SP6: variants seen among roughly 807,000 people sequenced by gnomAD.
SP6 encodes the protein transcription factor Sp6.
A neutral mutation model predicts 23.4 loss-of-function variants in SP6; 10 were observed. The ratio of observed to expected loss-of-function variants is 0.43; its 90% CI spans 0.26 to 0.72. The LOEUF (loss-of-function observed/expected upper bound fraction) is 0.72, where lower values mean the gene tolerates loss of function less well. SP6 is among the 30% of genes least tolerant of loss of function. The pLI is 0.23. For synonymous variants in SP6, 238 were observed against 238.7 expected, an observed-to-expected ratio of 1.00 and a Z score of 0.03; for missense variants, 482 against 523.8, an observed-to-expected ratio of 0.92 and a Z score of 0.78.
Position 47,848,470 on chromosome 17 carries a change from G to A in SP6, c.-41C>T, listed in dbSNP as rs753426165. ...TGGGGTGAGGGCAGGGACGGTCAGG[G>A]GCACCTCAGACGGGACCTAAAGGAG... On this transcript the variant is annotated 5_prime_UTR_variant, in exon 2 of 2. Transcript: ENST00000536300. The surrounding 1 kb of genome is among the most constrained non-coding windows in gnomAD (Gnocchi z 5.3). 9.5e-5 allele frequency: 139 copies of A among 1,459,930 alleles called. No individual in the cohort carries two copies. Among genetic ancestry groups the A allele is most frequent in the Non-Finnish European group, 1.2e-4 (132 of 1,102,042 alleles). The allele number at this position is 1,459,930 out of a possible 1,614,324, so 90.4% of individuals were successfully genotyped here.
chr17:47,865,981 T>C, the SP6 span, among the ~76,000 whole-genome samples: 1 of 152,236 alleles, frequency 6.6e-6, no homozygotes, highest in African/African-American at 2.4e-5. Flanking sequence ...TTCTCTACAC[T>C]GATCACCAGG....
At chr17:47,866,989 G>A in the SP6 span, among the ~76,000 whole-genome samples, 1 of 152,086 alleles carries the variant, frequency 6.6e-6, no homozygotes, top group African/African-American at 2.4e-5. Context: ...CGCCACGCTG[G>A]GAATCTGAGA....
At chr17:47,868,425 C>T in the SP6 span, among the ~76,000 whole-genome samples, 1 of 152,172 alleles carries the variant, frequency 6.6e-6, no homozygotes, top group Non-Finnish European at 1.5e-5. Context: ...ACCATGGGGA[C>T]GACCCAAGTC....
intron 1 of SP6, among the ~76,000 whole-genome samples, chr17:47,849,827 G>A (rs1055113829): frequency 7.2e-5 from 11 of 152,182 alleles, no homozygotes; most frequent in Non-Finnish European, 2.9e-5. Context: ...TGGAAGCCCT[G>A]GTGCCTCAGC....
chr17:47,854,212 G>C (rs2033982229), upstream of SP6, among the ~76,000 whole-genome samples: 1 of 152,184 alleles, frequency 6.6e-6, no homozygotes, highest in Non-Finnish European at 1.5e-5. Flanking sequence ...GATCCACTTT[G>C]TACCTGGAGA....
At chr17:47,872,868 G>C in the SP6 span, among the ~76,000 whole-genome samples, 1 of 152,226 alleles carries the variant, frequency 6.6e-6, no homozygotes, top group South Asian at 2.1e-4. Context: ...CTCCCACAAG[G>C]CATCCAGGAG....
At chr17:47,871,357 C>G in the SP6 span, among the ~76,000 whole-genome samples, 1 of 152,226 alleles carries the variant, frequency 6.6e-6, no homozygotes, top group African/African-American at 2.4e-5. Flanking sequence ...ACCAATACCT[C>G]TTACTATCTG....
chr17:47,873,766 C>T, the SP6 span, among the ~76,000 whole-genome samples: 6 of 152,086 alleles, frequency 3.9e-5, no homozygotes, highest in Non-Finnish European at 7.4e-5. Context: ...GGATGAACCC[C>T]AGCCATTGGC....
upstream of SP6, among the ~76,000 whole-genome samples, chr17:47,851,443 C>A (rs528779478): frequency 6.6e-6 from 1 of 152,226 alleles, no homozygotes; most frequent in Admixed American, 6.5e-5. Context: ...TGCCCTGGAG[C>A]TAGCTCGGTC....
Position 47,847,251 on chromosome 17 carries a change from G to C in SP6, c.*48C>G, listed in dbSNP as rs779728478. On this transcript the variant is annotated 3_prime_UTR_variant, in exon 2 of 2. Transcript: ENST00000536300. Reference sequence around the variant, plus strand: ...CCAAGGACGTCAGACCTGGGGGCTCGCATCCAGTGCCCCCCGGGATACCCG... The same window carrying C: ...CCAAGGACGTCAGACCTGGGGGCTCCCATCCAGTGCCCCCCGGGATACCCG... 4 of 1,449,062 alleles carry C rather than the reference G, an allele frequency of 2.8e-6. No homozygotes were observed. The South Asian group carries it at 5.7e-5, about 21-fold the overall frequency. 89.8% of individuals were successfully genotyped at this position (1,449,062 alleles called of 1,614,324 possible). A position where few individuals can be genotyped will look rare whatever the true frequency, so the allele number is the denominator to read the frequency against.
chr17:47,862,577 G>T, the SP6 span, among the ~76,000 whole-genome samples: 1 of 152,002 alleles, frequency 6.6e-6, no homozygotes, highest in Non-Finnish European at 1.5e-5. Flanking sequence ...TGTGAAAGGA[G>T]TTAAGTCATT....
chr17:47,870,061 G>A, the SP6 span, among the ~76,000 whole-genome samples: 2 of 152,184 alleles, frequency 1.3e-5, no homozygotes, highest in African/African-American at 2.4e-5. Flanking sequence ...TCTGGACTGT[G>A]TGTGTGTAGG....
At chr17:47,872,513 G>A in the SP6 span, among the ~76,000 whole-genome samples, 1 of 152,198 alleles carries the variant, frequency 6.6e-6, no homozygotes, top group Non-Finnish European at 1.5e-5. Context: ...CGGCGGCGGC[G>A]GCGGCGATGG....
Position 47,848,475 on chromosome 17 carries a change from C to T in SP6, c.-46G>A. The T allele has an allele frequency of 6.9e-7, 1 of 1,447,338 alleles. No homozygotes were observed. Among genetic ancestry groups the T allele is most frequent in the South Asian group, 1.5e-5 (1 of 68,238 alleles). 89.7% of individuals were successfully genotyped at this position (1,447,338 alleles called of 1,614,324 possible). A position where few individuals can be genotyped will look rare whatever the true frequency, so the allele number is the denominator to read the frequency against. On this transcript the variant is annotated 5_prime_UTR_variant, in exon 2 of 2. Transcript: ENST00000536300. The surrounding 1 kb of genome is among the most constrained non-coding windows in gnomAD (Gnocchi z 5.3). Reference sequence around the variant, plus strand: ...TGAGGGCAGGGACGGTCAGGGGCACCTCAGACGGGACCTAAAGGAGGCGAA... The same window carrying T: ...TGAGGGCAGGGACGGTCAGGGGCACTTCAGACGGGACCTAAAGGAGGCGAA...
At chr17:47,860,719 A>AACATAAAT (rs2034029946), upstream of SP6, among the ~76,000 whole-genome samples, 1 of 148,822 alleles carries the variant, frequency 6.7e-6, no homozygotes, top group Admixed American at 6.7e-5. Context: ...AAAAAAAGTT[A>AACATAAAT]AAATAAATAA....
upstream of SP6, among the ~76,000 whole-genome samples, chr17:47,851,393 G>A (rs886640852): frequency 5.3e-5 from 8 of 152,182 alleles, no homozygotes; most frequent in Non-Finnish European, 1.2e-4. Context: ...CGGGTGGGGT[G>A]ATTCCCAGGT....
At chr17:47,855,602 T>G (rs2143662212), upstream of SP6, 1 of 152,336 alleles carries the variant, frequency 6.6e-6, no homozygotes, top group East Asian at 1.9e-4. Flanking sequence ...AGTGGAGACC[T>G]GATCCTCTTT....
chr17:47,850,717 A>C (rs2143654451), intron 1 of SP6, among the ~76,000 whole-genome samples: 1 of 152,276 alleles, frequency 6.6e-6, no homozygotes, highest in Non-Finnish European at 1.5e-5. Flanking sequence ...CAGTCGCTCC[A>C]GTTGCCCCGG....
the SP6 span, among the ~76,000 whole-genome samples, chr17:47,865,616 A>G: frequency 6.6e-6 from 1 of 152,190 alleles, no homozygotes; most frequent in Non-Finnish European, 1.5e-5. Context: ...AAATTAATTA[A>G]TGGCAGATCC....
Sources: allele counts gnomAD v4.1 joint callset (sites outside exome capture counted in the v4.1 genomes callset), GRCh38; gene constraint gnomAD v4.1.1; non-coding constraint Gnocchi (gnomAD v3.1); transcripts MANE v1.5; gene names NCBI Gene and HGNC (gene_info 2026-07-23, HGNC 2026-07-21).